The following PPFIBP2 variants were observed in gnomAD, a reference collection of about 807,000 sequenced individuals.
PPFIBP2 encodes the protein PPFIB scaffold protein 2, also known as liprin-beta-2.
A neutral mutation model predicts 118.3 loss-of-function variants in PPFIBP2; 118 were observed. That is an observed-to-expected ratio of 1.00 (90% CI 0.86 to 1.16). The LOEUF (loss-of-function observed/expected upper bound fraction) is 1.16. Among genes scored for constraint, PPFIBP2 ranks in the 50% most tolerant of loss-of-function variants. The pLI is 0.00. For missense variants in PPFIBP2, 1,195 were observed against 1,073.1 expected (o/e 1.11, Z -1.59); for synonymous variants, 414 against 397.4 (o/e 1.04, Z -0.50).
At chr11:7,526,445 G>A (rs1850237141) in intron 1 of PPFIBP2, among the ~76,000 whole-genome samples, 1 of 152,222 alleles carries the variant, frequency 6.6e-6, no homozygotes, top group South Asian at 2.1e-4. Flanking sequence ...AAAGGAACTT[G>A]AATGCCAAAC....
In PPFIBP2 at chr11:7,616,722, G is replaced by A. The variant is rs1484031135; in HGVS notation, c.619-4213G>A. Reference sequence around the variant, plus strand: ...CTGACACGTTGGGTGTTTGGGTAAGGGGAGTCGGTGTGTGTATCATGCATA... The same window carrying A: ...CTGACACGTTGGGTGTTTGGGTAAGAGGAGTCGGTGTGTGTATCATGCATA... On this transcript the variant is annotated intron_variant, in intron 6 of 23. Transcript: ENST00000299492. This position sits in a 1 kb window ranked among gnomAD's most constrained non-coding sequence, Gnocchi z 5.2. 2.0e-5 allele frequency among the ~76,000 whole-genome samples: 3 copies of A among 152,040 alleles called. No homozygotes were observed. The highest frequency in any genetic ancestry group is 4.4e-5 in the Non-Finnish European group (3 of 68,016).
In PPFIBP2 at chr11:7,596,389, GTT is replaced by G. The variant is rs58915783; in HGVS notation, c.373-1155_373-1154del. Among the ~76,000 whole-genome samples, 139 of 139,186 alleles carry G rather than the reference GTT, an allele frequency of 1.0e-3. 1 individual carries two copies. Among genetic ancestry groups the G allele is most frequent in the Middle Eastern group, 3.8e-3 (1 of 260 alleles). The allele number at this position is 139,186 out of a possible 152,430, so 91.3% of individuals were successfully genotyped here. On this transcript the variant is annotated intron_variant, in intron 4 of 23. Transcript: ENST00000299492. ...AAGTTGATAGAAAGAGCCCGTTCTT[GTT>G]TTTTTTTTTTTTTTTAACATTTTTT...
At position 7,565,483 on chromosome 11, in the gene PPFIBP2, T is replaced by C. The variant is rs537183490; in HGVS notation, c.65-70T>C. 9.0e-5 allele frequency: 135 copies of C among 1,508,150 alleles called. 3 individuals carry two copies. In the South Asian group the frequency reaches 1.5e-3, roughly 16 times the overall value. 93.4% of individuals were successfully genotyped at this position (1,508,150 alleles called of 1,614,324 possible). ...CCTTTCACCGTTTCTTCACCACCTT[T>C]GCTCTTTACTAGTACCTTGCTCAGG... On this transcript the variant is annotated intron_variant, in intron 2 of 23. Coordinates refer to ENST00000299492, the MANE Select transcript of PPFIBP2 (RefSeq NM_003621.5).
chr11:7,538,526 T>C (rs1851449654), intron 1 of PPFIBP2, among the ~76,000 whole-genome samples: 1 of 152,160 alleles, frequency 6.6e-6, no homozygotes, highest in Non-Finnish European at 1.5e-5. Flanking sequence ...TTGGGAATGC[T>C]TAAGTGGAAG....
intron 1 of PPFIBP2, among the ~76,000 whole-genome samples, chr11:7,524,782 G>T (rs575248174): frequency 3.3e-5 from 5 of 152,216 alleles, no homozygotes; most frequent in African/African-American, 9.6e-5. Flanking sequence ...TTGGCCTGAG[G>T]GGGTGGAGAT....
At chr11:7,534,287 G>A (rs1851003884) in intron 1 of PPFIBP2, among the ~76,000 whole-genome samples, 1 of 152,184 alleles carries the variant, frequency 6.6e-6, no homozygotes, top group Admixed American at 6.5e-5. Flanking sequence ...GAATTCAAAT[G>A]TACACAGAAA....
intron 18 of PPFIBP2, 93 bp downstream of exon 18, chr11:7,648,630 A>AG: frequency 6.4e-7 from 1 of 1,552,880 alleles, no homozygotes; most frequent in East Asian, 2.3e-5. Context: ...TACACACAGG[A>AG]GGATGGATGG....
At chr11:7,578,157 T>C (rs1262198788) in intron 3 of PPFIBP2, among the ~76,000 whole-genome samples, 1 of 152,228 alleles carries the variant, frequency 6.6e-6, no homozygotes, top group African/African-American at 2.4e-5. Flanking sequence ...AGGGTTTATG[T>C]TGCAAGTTGT....
chr11:7,581,606 T>G (rs938515773), intron 3 of PPFIBP2, among the ~76,000 whole-genome samples: 1 of 151,998 alleles, frequency 6.6e-6, no homozygotes, highest in African/African-American at 2.4e-5. Context: ...GTCTCCTCAC[T>G]CCAGACACTG....
intron 2 of PPFIBP2, among the ~76,000 whole-genome samples, chr11:7,555,666 A>G (rs1212523310): frequency 6.6e-6 from 1 of 152,178 alleles, no homozygotes; most frequent in Non-Finnish European, 1.5e-5. Context: ...CAGAGCTATC[A>G]AAGACTGCCC....
At chr11:7,562,929 TTATATATATATATATATA>T (rs60848890) in intron 2 of PPFIBP2, among the ~76,000 whole-genome samples, 1,474 of 86,514 alleles carry the variant, frequency 0.017, 61 homozygotes, top group African/African-American at 0.048. Flanking sequence ...AATTAAAGTT[TTATATATATATATATATA>T]TATATATATA....
chr11:7,576,640 G>C (rs926186829), intron 3 of PPFIBP2: 3 of 152,518 alleles, frequency 2.0e-5, no homozygotes, highest in Non-Finnish European at 4.4e-5. Flanking sequence ...AGCCCAGAGT[G>C]GGGGACAGCC....
At chr11:7,522,452 G>A (rs1045464365) in intron 1 of PPFIBP2, among the ~76,000 whole-genome samples, 1 of 152,210 alleles carries the variant, frequency 6.6e-6, no homozygotes, top group African/African-American at 2.4e-5. Flanking sequence ...ACCCATAAGA[G>A]GATGGTGAAG....
chr11:7,549,608 A>AATT (rs1852721705), intron 2 of PPFIBP2, 69 bp downstream of exon 2: 299 of 1,046,650 alleles, frequency 2.9e-4, no homozygotes, highest in Non-Finnish European at 3.3e-4. Context: ...CTCTCCTTTT[A>AATT]CTTTTTTTTT....
intron 1 of PPFIBP2, among the ~76,000 whole-genome samples, chr11:7,542,943 A>G (rs143748282): frequency 2.6e-5 from 4 of 152,360 alleles, no homozygotes; most frequent in African/African-American, 9.6e-5. Context: ...TACAGATGAG[A>G]CAATTGAGGC....
chr11:7,519,806 G>A (rs1849574773), intron 1 of PPFIBP2, among the ~76,000 whole-genome samples: 2 of 152,158 alleles, frequency 1.3e-5, no homozygotes, highest in Non-Finnish European at 2.9e-5. Flanking sequence ...CGAGTGCCTG[G>A]CACACGCTGG....
downstream of PPFIBP2, among the ~76,000 whole-genome samples, chr11:7,661,448 T>G (rs1854888240): frequency 6.6e-6 from 1 of 151,734 alleles, no homozygotes; most frequent in African/African-American, 2.4e-5. Flanking sequence ...TTCCATGCAG[T>G]CGGGTGGTTT....
the PPFIBP2 span, chr11:7,666,049 G>A: frequency 2.6e-6 from 2 of 766,136 alleles, no homozygotes; most frequent in South Asian, 3.2e-5. Flanking sequence ...CTGTCTGGGG[G>A]CTCAGCATGT....
rs995462894 is a variant in PPFIBP2, at chr11:7,520,154, G to A, written c.-37+6033G>A. Reference sequence around the variant, plus strand: ...GGCGCAACATGCTGTTTTAATGAGCGCCTGGGTGCAGGCAGGCTGAGGCCT... The same window carrying A: ...GGCGCAACATGCTGTTTTAATGAGCACCTGGGTGCAGGCAGGCTGAGGCCT... On this transcript the variant is annotated intron_variant, in intron 1 of 23. Transcript: ENST00000299492. Among the ~76,000 whole-genome samples, 9 of 152,274 alleles carry A rather than the reference G, an allele frequency of 5.9e-5. No individual in the cohort carries two copies. In the East Asian group the frequency reaches 7.7e-4, roughly 13 times the overall value.
Sources: allele counts gnomAD v4.1 joint callset (sites outside exome capture counted in the v4.1 genomes callset), GRCh38; gene constraint gnomAD v4.1.1; non-coding constraint Gnocchi (gnomAD v3.1); transcripts MANE v1.5; gene names NCBI Gene and HGNC (gene_info 2026-07-23, HGNC 2026-07-21).